Variants in ADAMTS19 observed in about 807,000 individuals in gnomAD.
ADAMTS19 encodes A disintegrin and metalloproteinase with thrombospondin motifs 19.
ADAMTS19 carries 93 observed loss-of-function variants against 153.3 expected under a neutral mutation model. The ratio of observed to expected loss-of-function variants is 0.61; its 90% CI spans 0.51 to 0.72. The LOEUF (loss-of-function observed/expected upper bound fraction) is 0.72, where lower values mean the gene tolerates loss of function less well. ADAMTS19 is among the 30% of genes least tolerant of loss of function. The pLI is 0.00. For synonymous variants in ADAMTS19, 600 were observed against 556.6 expected, an observed-to-expected ratio of 1.08 and a Z score of -1.10; for missense variants, 1,482 against 1,552.1, an observed-to-expected ratio of 0.95 and a Z score of 0.76.
rs1486482964 is a variant in ADAMTS19 at position 129,466,070 on chromosome 5, C to CACCGGA, written c.747+4313_747+4314insACCGGA. Among the ~76,000 whole-genome samples the CACCGGA allele has an allele frequency of 5.9e-5, 9 of 152,316 alleles. No individual in the cohort carries two copies. In the East Asian group the frequency reaches 1.7e-3, roughly 29 times the overall value. On this transcript the variant is annotated intron_variant, in intron 2 of 22. Coordinates refer to ENST00000274487, the MANE Select transcript of ADAMTS19 (RefSeq NM_133638.6). ...GATTTCTTTTTTCTGTTATCCCATT[C>CACCGGA]TGCCAAGCACCGGAAGCCACATATG... is the stretch of plus-strand genomic sequence containing the variant.
At chr5:129,485,408 A>G (rs1561534668) in intron 2 of ADAMTS19, among the ~76,000 whole-genome samples, 1 of 152,166 alleles carries the variant, frequency 6.6e-6, no homozygotes, top group Non-Finnish European at 1.5e-5. Flanking sequence ...GGATGGGTCC[A>G]TCCTAAATTT....
At chr5:129,698,683 G>C (rs921810714) in intron 19 of ADAMTS19, among the ~76,000 whole-genome samples, 16 of 152,166 alleles carry the variant, frequency 1.1e-4, no homozygotes, top group Admixed American at 2.0e-4. Context: ...GAGATTCCAT[G>C]AAATTGCAAA....
chr5:129,620,398 T>A (rs1028289367), intron 8 of ADAMTS19, among the ~76,000 whole-genome samples: 2 of 152,080 alleles, frequency 1.3e-5, no homozygotes, highest in Non-Finnish European at 2.9e-5. Context: ...TAGGGAAATG[T>A]TTTTTATTAA....
At chr5:129,690,878 GTC>G (rs1336635739) in intron 18 of ADAMTS19, among the ~76,000 whole-genome samples, 2 of 151,892 alleles carry the variant, frequency 1.3e-5, no homozygotes, top group Non-Finnish European at 2.9e-5. Flanking sequence ...CACACACATA[GTC>G]TCTGTCTTAC....
intron 3 of ADAMTS19, among the ~76,000 whole-genome samples, chr5:129,515,104 T>C (rs1023807318): frequency 1.3e-5 from 2 of 152,074 alleles, no homozygotes; most frequent in Non-Finnish European, 2.9e-5. Context: ...ACTGTAGGTA[T>C]GTGGATTTGT....
intron 6 of ADAMTS19, among the ~76,000 whole-genome samples, chr5:129,536,562 G>A (rs2126787991): frequency 6.6e-6 from 1 of 152,256 alleles, no homozygotes; most frequent in South Asian, 2.1e-4. Flanking sequence ...CCATTACTGG[G>A]TATATACCCA....
intron 3 of ADAMTS19, among the ~76,000 whole-genome samples, chr5:129,516,230 A>G (rs1289235497): frequency 6.8e-6 from 1 of 146,884 alleles, no homozygotes; most frequent in African/African-American, 2.5e-5. Context: ...CATCAGAAAT[A>G]TTAGCCTGTA....
chr5:129,563,368 AT>A (rs1753591279), intron 7 of ADAMTS19, among the ~76,000 whole-genome samples: 1 of 152,152 alleles, frequency 6.6e-6, no homozygotes, highest in Non-Finnish European at 1.5e-5. Context: ...TATATTACAT[AT>A]TTTTAAGCCT....
At chr5:129,730,993 C>G (rs2127219389) in intron 21 of ADAMTS19, among the ~76,000 whole-genome samples, 2 of 151,980 alleles carry the variant, frequency 1.3e-5, no homozygotes, top group African/African-American at 4.8e-5. Flanking sequence ...GAGTCTCACT[C>G]TGTCACCCAG....
At chr5:129,734,151 G>C (rs968091068) in intron 21 of ADAMTS19, among the ~76,000 whole-genome samples, 1 of 151,822 alleles carries the variant, frequency 6.6e-6, no homozygotes, top group African/African-American at 2.4e-5. Context: ...CGTGGACATA[G>C]AGAAAGAGAG....
intron 10 of ADAMTS19, among the ~76,000 whole-genome samples, chr5:129,632,779 T>C (rs1369331888): frequency 6.6e-6 from 1 of 152,098 alleles, no homozygotes; most frequent in Non-Finnish European, 1.5e-5. Context: ...CATTTCCCTG[T>C]AAGTAATCTG....
intron 7 of ADAMTS19, among the ~76,000 whole-genome samples, chr5:129,587,314 TCTAA>T (rs918683433): frequency 2.0e-5 from 3 of 152,194 alleles, no homozygotes; most frequent in Middle Eastern, 3.4e-3. Context: ...ATCAATTTTG[TCTAA>T]CTTTTACTCG....
At chr5:129,567,036 G>GA (rs1009053571) in intron 7 of ADAMTS19, among the ~76,000 whole-genome samples, 3 of 152,080 alleles carry the variant, frequency 2.0e-5, no homozygotes, top group Admixed American at 2.0e-4. Context: ...AAGGGCTTAG[G>GA]AAAGTGACCT....
At chr5:129,680,397 A>G (rs1561645289) in intron 17 of ADAMTS19, among the ~76,000 whole-genome samples, 1 of 152,172 alleles carries the variant, frequency 6.6e-6, no homozygotes, top group Non-Finnish European at 1.5e-5. Context: ...TTTGTTATTA[A>G]TGGATTTTTG....
intron 21 of ADAMTS19, among the ~76,000 whole-genome samples, chr5:129,718,429 T>C (rs1359376035): frequency 6.6e-6 from 1 of 152,148 alleles, no homozygotes; most frequent in Non-Finnish European, 1.5e-5. Context: ...AGGAATGGAT[T>C]CAATTCCAAA....
chr5:129,701,301 T>C, intron 19 of ADAMTS19, 87 bp from the exon 20 acceptor site: 1 of 1,460,924 alleles, frequency 6.8e-7, no homozygotes, highest in African/African-American at 1.4e-5. Flanking sequence ...GTCTTGGGTA[T>C]GTCTTTATTA....
chr5:129,668,217 T>C (rs988021426), intron 16 of ADAMTS19, among the ~76,000 whole-genome samples: 2 of 152,192 alleles, frequency 1.3e-5, no homozygotes, highest in Non-Finnish European at 1.5e-5. Context: ...TCCTCTTCTC[T>C]CTTATAAGGC....
chr5:129,677,619 A>G (rs1754608390), intron 16 of ADAMTS19, among the ~76,000 whole-genome samples: 1 of 152,206 alleles, frequency 6.6e-6, no homozygotes, highest in African/African-American at 2.4e-5. Flanking sequence ...TCCCAGGGGA[A>G]CCAATTCATT....
chr5:129,657,251 A>G (rs1306991278), intron 14 of ADAMTS19, among the ~76,000 whole-genome samples: 2 of 152,198 alleles, frequency 1.3e-5, no homozygotes, highest in African/African-American at 4.8e-5. Flanking sequence ...CTCCCAGCAC[A>G]TTCATCCTGC....
Sources: allele counts gnomAD v4.1 joint callset (sites outside exome capture counted in the v4.1 genomes callset), GRCh38; gene constraint gnomAD v4.1.1; transcripts MANE v1.5; gene names NCBI Gene and HGNC (gene_info 2026-07-23, HGNC 2026-07-21).